The following ZNF417 variants were observed in gnomAD, a reference collection of about 807,000 sequenced individuals.
ZNF417 encodes the protein zinc finger protein 417.
In ZNF417, 5 loss-of-function variants were observed where a neutral mutation model predicts 7.4. That is an observed-to-expected ratio of 0.68 (90% CI 0.35 to 1.43). ZNF417 has a LOEUF of 1.43. ZNF417 is among the 40% of genes most tolerant of loss of function. The pLI is 0.04. For missense variants in ZNF417, 437 were observed against 697.3 expected (o/e 0.63, Z 4.20); for synonymous variants, 147 against 239.1 (o/e 0.61, Z 3.55).
chr19:57,906,132 C>T lies in ZNF417; in HGVS notation c.*2418G>A, dbSNP rs573873115. On this transcript the variant is annotated 3_prime_UTR_variant, in exon 3 of 3. Transcript: ENST00000312026. ...TTGGGTGTAATAAAATAAAAATTTA[C>T]ACCACAAGAGACAGACACATACTCT... 2.6e-5 allele frequency among the ~76,000 whole-genome samples: 4 copies of T among 152,212 alleles called. No individual in the cohort carries two copies. Among genetic ancestry groups the T allele is most frequent in the African/African-American group, 9.6e-5 (4 of 41,554 alleles).
At chr19:57,914,479 T>C (rs1447262811) in intron 1 of ZNF417, among the ~76,000 whole-genome samples, 1 of 42,058 alleles carries the variant, frequency 2.4e-5, no homozygotes, top group African/African-American at 1.3e-4. Flanking sequence ...AGACCGAAAC[T>C]CCACAAAAAA....
chr19:57,908,130 C>T lies in ZNF417; in HGVS notation c.*420G>A. ...AGAAAGATGTTGAATAGAAAGCAAGCTACGGTGACATCTTAACTGTTTCAC... is the reference window on the plus strand; with the variant it reads ...AGAAAGATGTTGAATAGAAAGCAAGTTACGGTGACATCTTAACTGTTTCAC... On this transcript the variant is annotated 3_prime_UTR_variant, in exon 3 of 3. Coordinates refer to ENST00000312026, the MANE Select transcript of ZNF417 (RefSeq NM_152475.3). 5.1e-6 allele frequency: 1 copy of T among 194,720 alleles called. No individual in the cohort carries two copies. Among genetic ancestry groups the T allele is most frequent in the Non-Finnish European group, 1.1e-5 (1 of 93,688 alleles). The allele number at this position is 194,720 out of a possible 1,614,324, so 12.1% of individuals were successfully genotyped here. A position where few individuals can be genotyped will look rare whatever the true frequency, so the allele number is the denominator to read the frequency against.
In ZNF417 at chr19:57,908,012, A is replaced by C. The variant is rs536771310; in HGVS notation, c.*538T>G. 3.1e-5 allele frequency: 5 copies of C among 163,012 alleles called. No homozygotes were observed. The South Asian group carries it at 4.9e-4, about 16-fold the overall frequency. The allele number at this position is 163,012 out of a possible 1,614,324, so 10.1% of individuals were successfully genotyped here. A position where few individuals can be genotyped will look rare whatever the true frequency, so the allele number is the denominator to read the frequency against. ...GCTATCCCAGAACTTGGATAACATA[A>C]AGTTCTTGTTTCTACAAAGTGTGTA... On this transcript the variant is annotated 3_prime_UTR_variant, in exon 3 of 3. Transcript: ENST00000312026.
intron 1 of ZNF417, among the ~76,000 whole-genome samples, chr19:57,914,691 C>A (rs576005623): frequency 1.3e-5 from 2 of 152,102 alleles, no homozygotes; most frequent in African/African-American, 4.8e-5. Context: ...CAGATGAAGC[C>A]GGTAGCCAGT....
chr19:57,915,241 T>C (rs12981037), intron 1 of ZNF417: 43,617 of 166,662 alleles, frequency 0.26, 6,226 homozygotes, highest in Non-Finnish European at 0.32. Flanking sequence ...CTCTACGATA[T>C]TCTTCCTTTG....
Position 57,908,463 on chromosome 19 carries a change from C to T in ZNF417, c.*87G>A, listed in dbSNP as rs533990856. ...ATTCTGATGTTTCCCAGATTGACAG[C>T]ACTCATAAGGCCTTTCTCCAGTATG... On this transcript the variant is annotated 3_prime_UTR_variant, in exon 3 of 3. Transcript: ENST00000312026. 1.4e-5 allele frequency: 22 copies of T among 1,598,752 alleles called. 1 individual carries two copies. In the South Asian group the frequency reaches 2.3e-4, roughly 17 times the overall value.
At chr19:57,911,337 A>G (rs2071897599) in intron 2 of ZNF417, among the ~76,000 whole-genome samples, 1 of 152,194 alleles carries the variant, frequency 6.6e-6, no homozygotes, top group South Asian at 2.1e-4. Flanking sequence ...ATTGCCACAA[A>G]AACACTTGGC....
Position 57,912,345 on chromosome 19 carries a change from C to G in ZNF417, c.34-156G>C, listed in dbSNP as rs190137442. On this transcript the variant is annotated intron_variant, in intron 1 of 2. Transcript: ENST00000312026. ...GTGCCTTTGTCTCTTCATGGGCCCA[C>G]TGGTCAATTGCCATCAGCAATAAGC... Among the ~76,000 whole-genome samples the G allele has an allele frequency of 4.2e-3, 639 of 152,276 alleles. 3 individuals carry two copies. The highest frequency in any genetic ancestry group is 0.013 in the African/African-American group (523 of 41,542).
chr19:57,910,325 C>CATCACGATCCTCAGGGTG (rs2071889440), intron 2 of ZNF417, among the ~76,000 whole-genome samples: 1 of 151,294 alleles, frequency 6.6e-6, no homozygotes, highest in South Asian at 2.1e-4. Context: ...GCGGGTGGAT[C>CATCACGATCCTCAGGGTG]ACCTGAGGTC....
intron 1 of ZNF417, among the ~76,000 whole-genome samples, chr19:57,914,680 C>A (rs1268256286): frequency 2.0e-5 from 3 of 152,112 alleles, no homozygotes; most frequent in East Asian, 1.9e-4. Context: ...CAAGGTCCAA[C>A]CAGATGAAGC....
chr19:57,911,995 G>A, intron 2 of ZNF417, 65 bp downstream of exon 2: 1 of 1,522,858 alleles, frequency 6.6e-7, no homozygotes, highest in Admixed American at 2.2e-5. Context: ...AGACAGTCCT[G>A]TCAATGAAAA....
chr19:57,914,483 CAAAAAAAAAAAAAA>C (rs528220711), intron 1 of ZNF417, among the ~76,000 whole-genome samples: 1 of 57,610 alleles, frequency 1.7e-5, no homozygotes, highest in Admixed American at 2.2e-4. Flanking sequence ...CGAAACTCCA[CAAAAAAAAAAAAAA>C]AAAAAAAAAA....
At chr19:57,915,930 G>A (rs923377118) in intron 1 of ZNF417, among the ~76,000 whole-genome samples, 1 of 152,036 alleles carries the variant, frequency 6.6e-6, no homozygotes, top group African/African-American at 2.4e-5. Context: ...CGGTAATCTG[G>A]GTCAATCAGT....
rs887245829 is a variant in ZNF417 at position 57,906,434 on chromosome 19, G to A, written c.*2116C>T. Among the ~76,000 whole-genome samples, 3 of 151,916 alleles carry A rather than the reference G, an allele frequency of 2.0e-5. No homozygotes were observed. The highest frequency in any genetic ancestry group is 7.3e-5 in the African/African-American group (3 of 41,340). On this transcript the variant is annotated 3_prime_UTR_variant, in exon 3 of 3. Coordinates refer to ENST00000312026, the MANE Select transcript of ZNF417 (RefSeq NM_152475.3). ...CTTATTCACATTTCTCAAGTGCCAT[G>A]CCTTTAGGTGCCTATACATCATGCT...
intron 1 of ZNF417, 112 bp downstream of exon 1, chr19:57,916,267 G>A: frequency 6.3e-7 from 1 of 1,594,808 alleles, no homozygotes; most frequent in Non-Finnish European, 8.5e-7. Flanking sequence ...GCGCCTCAGT[G>A]TTCCTACGCC....
At position 57,916,368 on chromosome 19, in the gene ZNF417, G is replaced by A. The variant is rs202154314; in HGVS notation, c.33+11C>T. On this transcript the variant is annotated intron_variant, in intron 1 of 2. Coordinates refer to ENST00000312026, the MANE Select transcript of ZNF417 (RefSeq NM_152475.3). Reference sequence around the variant, plus strand: ...GGGGTGACCTGAGGGCACAGAAGGCGCCACAATTACCTGAGTCGGGCGCCT... The same window carrying A: ...GGGGTGACCTGAGGGCACAGAAGGCACCACAATTACCTGAGTCGGGCGCCT... 60 of 1,613,968 alleles carry A rather than the reference G, an allele frequency of 3.7e-5. No homozygotes were observed. The highest frequency in any genetic ancestry group is 2.7e-4 in the Admixed American group (16 of 60,008).
intron 2 of ZNF417, among the ~76,000 whole-genome samples, chr19:57,911,273 G>A (rs565773139): frequency 2.5e-4 from 38 of 152,304 alleles, no homozygotes; most frequent in African/African-American, 6.5e-4. Flanking sequence ...GAACTAACAC[G>A]TGTGAAACTC....
intron 1 of ZNF417, among the ~76,000 whole-genome samples, chr19:57,912,797 TAG>T (rs1196107503): frequency 6.6e-6 from 1 of 151,124 alleles, no homozygotes; most frequent in East Asian, 1.9e-4. Context: ...TTTTTTTTGG[TAG>T]AGAGGGGGTT....
chr19:57,913,530 C>T (rs537664862), intron 1 of ZNF417, among the ~76,000 whole-genome samples: 5 of 152,182 alleles, frequency 3.3e-5, no homozygotes, highest in East Asian at 1.9e-4. Context: ...TCACTGCCCA[C>T]ATGCACCAAG....
Sources: allele counts gnomAD v4.1 joint callset (sites outside exome capture counted in the v4.1 genomes callset), GRCh38; gene constraint gnomAD v4.1.1; transcripts MANE v1.5; gene names NCBI Gene and HGNC (gene_info 2026-07-23, HGNC 2026-07-21).